SKAP1: variants seen among roughly 807,000 people sequenced by gnomAD.
SKAP1 encodes the protein src kinase associated phosphoprotein 1, also known as src kinase-associated phosphoprotein 1.
A neutral mutation model predicts 58.5 loss-of-function variants in SKAP1; 44 were observed. The observed-to-expected ratio is 0.75, with a 90% confidence interval of 0.59 to 0.97. SKAP1 has a LOEUF of 0.97. Among genes scored for constraint, SKAP1 ranks in the 50% least tolerant of loss-of-function variants. SKAP1 has a pLI of 0.00. For synonymous variants in SKAP1, 127 were observed against 149.7 expected, an observed-to-expected ratio of 0.85 and a Z score of 1.11; for missense variants, 390 against 435.2, an observed-to-expected ratio of 0.90 and a Z score of 0.92.
intron 4 of SKAP1, among the ~76,000 whole-genome samples, chr17:48,344,792 G>A (rs2066700585): frequency 6.6e-6 from 1 of 152,028 alleles, no homozygotes. Flanking sequence ...GTTCTTATGT[G>A]GAGGTTATCA....
intron 2 of SKAP1, among the ~76,000 whole-genome samples, chr17:48,374,363 C>T (rs539837036): frequency 6.6e-6 from 1 of 152,110 alleles, no homozygotes; most frequent in South Asian, 2.1e-4. Context: ...TGTACTAAAA[C>T]AGCAATGCCT....
chr17:48,334,621 A>T (rs2144280891), intron 4 of SKAP1, among the ~76,000 whole-genome samples: 1 of 152,008 alleles, frequency 6.6e-6, no homozygotes, highest in South Asian at 2.1e-4. Flanking sequence ...GTATCTAAGA[A>T]ATCTGACACA....
At chr17:48,413,664 A>G (rs1323889990) in intron 1 of SKAP1, among the ~76,000 whole-genome samples, 2 of 151,452 alleles carry the variant, frequency 1.3e-5, no homozygotes, top group Non-Finnish European at 2.9e-5. Flanking sequence ...ATCTCTCAAT[A>G]TATTACCTCC....
intron 12 of SKAP1, 113 bp downstream of exon 12, chr17:48,137,116 G>C (rs2063710651): frequency 1.6e-6 from 1 of 622,510 alleles, no homozygotes; most frequent in Non-Finnish European, 2.9e-6. Context: ...GCATTAGTAT[G>C]AGAAATGAAG....
In SKAP1 at chr17:48,259,506, C is replaced by T. The variant is rs142712918; in HGVS notation, c.281-70006G>A. Among the ~76,000 whole-genome samples the T allele has an allele frequency of 5.8e-4, 88 of 151,962 alleles. No individual in the cohort carries two copies. In the South Asian group the frequency reaches 6.0e-3, roughly 10 times the overall value. On this transcript the variant is annotated intron_variant, in intron 4 of 12. Transcript: ENST00000336915. ...TGTGTTAGGTAACAGCTTTCCATAG[C>T]GTAATCATGAATGCATTATATAATG...
At chr17:48,317,098 T>G (rs2066298785) in intron 4 of SKAP1, among the ~76,000 whole-genome samples, 2 of 152,098 alleles carry the variant, frequency 1.3e-5, no homozygotes, top group African/African-American at 4.8e-5. Context: ...AGTGCCAGCC[T>G]CTCCGAGCCA....
chr17:48,404,488 A>G (rs1367705003), intron 1 of SKAP1, among the ~76,000 whole-genome samples: 1 of 152,152 alleles, frequency 6.6e-6, no homozygotes, highest in Non-Finnish European at 1.5e-5. Context: ...TGGCGAGACA[A>G]TGTAAAAAAT....
intron 4 of SKAP1, among the ~76,000 whole-genome samples, chr17:48,259,707 T>C (rs1326892396): frequency 6.6e-6 from 1 of 152,180 alleles, no homozygotes; most frequent in Non-Finnish European, 1.5e-5. Context: ...CTACGAATGT[T>C]AGTAAAAATC....
At chr17:48,264,589 A>G (rs561200925) in intron 4 of SKAP1, among the ~76,000 whole-genome samples, 1 of 152,228 alleles carries the variant, frequency 6.6e-6, no homozygotes, top group Non-Finnish European at 1.5e-5. Flanking sequence ...TGTACTCCAA[A>G]GAGACCCATA....
At chr17:48,432,332 G>C (rs562380511), upstream of SKAP1, among the ~76,000 whole-genome samples, 3 of 152,232 alleles carry the variant, frequency 2.0e-5, no homozygotes, top group Admixed American at 1.3e-4. Context: ...GGGTGGCTGA[G>C]GCAGGAGAAT....
At chr17:48,243,842 GC>G (rs2065267329) in intron 4 of SKAP1, among the ~76,000 whole-genome samples, 1 of 152,036 alleles carries the variant, frequency 6.6e-6, no homozygotes, top group Non-Finnish European at 1.5e-5. Flanking sequence ...CTTAACCTGG[GC>G]TAGCATTAAG....
At position 48,346,152 on chromosome 17, in the gene SKAP1, T is replaced by C. The variant is rs578023998; in HGVS notation, c.179-146A>G. On this transcript the variant is annotated intron_variant, in intron 3 of 12. Transcript: ENST00000336915. ...TACTGGATGATGAACATGGCCACTA[T>C]CCATTAACATATAGGAAACAGTTAA... The C allele has an allele frequency of 1.5e-4, 72 of 491,702 alleles. 1 individual carries two copies. In the South Asian group the frequency reaches 2.2e-3, roughly 15 times the overall value. The allele number at this position is 491,702 out of a possible 1,614,324, so 30.5% of individuals were successfully genotyped here. A position where few individuals can be genotyped will look rare whatever the true frequency, so the allele number is the denominator to read the frequency against.
chr17:48,247,318 C>T (rs555671313), intron 4 of SKAP1, among the ~76,000 whole-genome samples: 11 of 152,146 alleles, frequency 7.2e-5, no homozygotes, highest in East Asian at 1.9e-4. Flanking sequence ...GACATGATAA[C>T]GAAGGCAAAT....
intron 4 of SKAP1, among the ~76,000 whole-genome samples, chr17:48,301,953 T>A (rs558049511): frequency 4.1e-4 from 63 of 152,322 alleles, no homozygotes; most frequent in East Asian, 1.2e-3. Context: ...ACAAAATTTT[T>A]AAAAAATTAT....
intron 4 of SKAP1, among the ~76,000 whole-genome samples, chr17:48,265,988 C>T (rs1306410630): frequency 6.6e-6 from 1 of 152,042 alleles, no homozygotes; most frequent in Non-Finnish European, 1.5e-5. Context: ...TGTTTGATTC[C>T]TCTCTTGGGA....
At chr17:48,325,191 G>A (rs2066419011) in intron 4 of SKAP1, among the ~76,000 whole-genome samples, 1 of 145,848 alleles carries the variant, frequency 6.9e-6, no homozygotes, top group Admixed American at 7.0e-5. Flanking sequence ...GGAGCTTGCA[G>A]TGAGCGGAGA....
chr17:48,191,997 G>T (rs1300906634), intron 4 of SKAP1, among the ~76,000 whole-genome samples: 2 of 152,100 alleles, frequency 1.3e-5, no homozygotes, highest in Non-Finnish European at 2.9e-5. Context: ...AGAAGAGAAG[G>T]CTCTCTGAAG....
intron 4 of SKAP1, among the ~76,000 whole-genome samples, chr17:48,276,193 C>T (rs987263877): frequency 6.6e-6 from 1 of 152,144 alleles, no homozygotes; most frequent in African/African-American, 2.4e-5. Context: ...TAAATATTCT[C>T]CAATGTGCCA....
intron 1 of SKAP1, among the ~76,000 whole-genome samples, chr17:48,426,199 G>A (rs1027195702): frequency 2.0e-5 from 3 of 152,202 alleles, no homozygotes; most frequent in Non-Finnish European, 4.4e-5. Flanking sequence ...GGAAGGAAAT[G>A]ATTAATGACT....
Sources: gnomAD v4.1 joint callset for allele counts (sites outside exome capture counted in the v4.1 genomes callset) on GRCh38, gnomAD v4.1.1 for gene constraint, MANE v1.5 for transcripts, NCBI Gene and HGNC (gene_info 2026-07-23, HGNC 2026-07-21) for gene names.